The following XKR5 variants were observed in gnomAD, a reference collection of about 807,000 sequenced individuals.
XKR5 encodes the protein XK-related protein 5.
In XKR5, 46 loss-of-function variants were observed where a neutral mutation model predicts 40.8. The observed-to-expected ratio is 1.13, with a 90% CI of 0.89 to 1.44. The LOEUF (loss-of-function observed/expected upper bound fraction) is 1.44. Among genes scored for constraint, XKR5 ranks in the 40% most tolerant of loss-of-function variants. XKR5 has a pLI of 0.00. For synonymous variants in XKR5, 466 were observed against 356.1 expected, an observed-to-expected ratio of 1.31 and a Z score of -3.48; for missense variants, 1,169 against 844.7, an observed-to-expected ratio of 1.38 and a Z score of -4.76.
At position 6,829,879 on chromosome 8, in the gene XKR5, C is replaced by A. The variant is rs183725344; in HGVS notation, c.242+2838G>T. On this transcript the variant is annotated intron_variant, in intron 2 of 6. Transcript: ENST00000618742. ...TTGAGACGGAGTCTCGCTCTGTCAC[C>A]CAAGCTGGAGTCCAGTGATGCAATC... is the stretch of plus-strand genomic sequence containing the variant. 4.4e-3 allele frequency among the ~76,000 whole-genome samples: 532 copies of A among 120,574 alleles called. 3 individuals carry two copies. The highest frequency in any genetic ancestry group is 0.015 in the African/African-American group (496 of 32,132). 79.1% of individuals were successfully genotyped at this position (120,574 alleles called of 152,430 possible).
intron 5 of XKR5, among the ~76,000 whole-genome samples, chr8:6,820,396 C>G (rs180902744): frequency 6.6e-6 from 1 of 152,282 alleles, no homozygotes; most frequent in South Asian, 2.1e-4. Flanking sequence ...GCTTTCTTTC[C>G]TTCTCTAACA....
At chr8:6,821,655 G>C (rs1248432972) in intron 5 of XKR5, among the ~76,000 whole-genome samples, 2 of 152,182 alleles carry the variant, frequency 1.3e-5, no homozygotes, top group African/African-American at 4.8e-5. Flanking sequence ...ATTGAATGCA[G>C]GGCCACAGCT....
intron 2 of XKR5, among the ~76,000 whole-genome samples, chr8:6,829,468 T>C (rs1038662778): frequency 6.6e-6 from 1 of 152,214 alleles, no homozygotes; most frequent in African/African-American, 2.4e-5. Context: ...TATGTATTAT[T>C]GGGAACGTTA....
At chr8:6,828,435 C>G (rs908414020) in intron 2 of XKR5, among the ~76,000 whole-genome samples, 6 of 152,136 alleles carry the variant, frequency 3.9e-5, no homozygotes, top group Non-Finnish European at 8.8e-5. Flanking sequence ...TGGGGCTACT[C>G]TTGTAAGAAA....
chr8:6,832,985 C>A, intron 1 of XKR5, 85 bp from the exon 2 acceptor site: 1 of 1,242,164 alleles, frequency 8.1e-7, no homozygotes, highest in Non-Finnish European at 1.1e-6. Flanking sequence ...TGAACATTTT[C>A]TGGATGTTAT....
chr8:6,819,161 T>C (rs924487729), intron 5 of XKR5, among the ~76,000 whole-genome samples: 2 of 152,250 alleles, frequency 1.3e-5, no homozygotes, highest in African/African-American at 4.8e-5. Context: ...GGGTTGGCCC[T>C]GGGCTACGCT....
chr8:6,830,078 C>T (rs1379045133), intron 2 of XKR5, among the ~76,000 whole-genome samples: 2 of 152,088 alleles, frequency 1.3e-5, no homozygotes, highest in Non-Finnish European at 2.9e-5. Context: ...ACCTCGTGAT[C>T]CGCCTGCCTC....
rs777460487 is a variant in XKR5, at chr8:6,821,911, G to A, written c.765C>T (p.Phe255=). ...GAVYILCYLS[F]WDSPSRNRMV... ...TCCTATTTCTAGAAGGGCTGTCCCAGAAGCTGAGGTAGCAGAGGATGTACA... is the reference window on the plus strand; with the variant it reads ...TCCTATTTCTAGAAGGGCTGTCCCAAAAGCTGAGGTAGCAGAGGATGTACA... Residue 255 remains phenylalanine, a synonymous_variant, in exon 5 of 7, where the codon TTC becomes TTT. Transcript: ENST00000618742. The A allele has an allele frequency of 1.2e-5, 19 of 1,613,406 alleles. No individual in the cohort carries two copies. The highest frequency in any genetic ancestry group is 1.6e-5 in the Non-Finnish European group (19 of 1,179,700).
chr8:6,823,420 A>G, intron 4 of XKR5, 101 bp downstream of exon 4: 1 of 1,273,514 alleles, frequency 7.9e-7, no homozygotes, highest in East Asian at 2.5e-5. Context: ...GTCAGCCTTC[A>G]GGCCTGGGAT....
chr8:6,811,941 G>A lies in XKR5; in HGVS notation c.1318C>T (p.Gln440Ter), dbSNP rs1803723175. The A allele has an allele frequency of 3.3e-6, 5 of 1,537,372 alleles. No homozygotes were observed. The highest frequency in any genetic ancestry group is 1.7e-4 in the Middle Eastern group (1 of 5,990). ...GCCTTTCTCTGCAGGTAGTCCTGTT[G>A]ACTCAACCCCCATGCAGGTGGACAA... Reference protein sequence around the residue: ...AYCPPAWGLSQQDYLQRKALS... With the variant: ...AYCPPAWGLS The change falls in exon 7 of 7, where the codon CAA (glutamine) becomes TAA (stop). Residue 440 changes from glutamine to a stop codon, truncating the protein, a stop_gained. Transcript: ENST00000618742. LOFTEE classifies it low-confidence loss of function (END_TRUNC).
chr8:6,833,744 A>G (rs962514553), intron 1 of XKR5, among the ~76,000 whole-genome samples: 6 of 152,074 alleles, frequency 3.9e-5, no homozygotes, highest in Non-Finnish European at 7.4e-5. Context: ...TAACCAACCA[A>G]CACAGTGTCC....
In XKR5 at chr8:6,811,797, C is replaced by A. The variant is rs1297564544; in HGVS notation, c.1462G>T (p.Val488Leu). 2.0e-6 allele frequency: 3 copies of A among 1,537,520 alleles called. No individual in the cohort carries two copies. Among genetic ancestry groups the A allele is most frequent in the Non-Finnish European group, 2.6e-6 (3 of 1,147,018 alleles). Residue 488 changes from valine (V) to leucine (L), a missense_variant, in exon 7 of 7, where the codon GTA becomes TTA. Transcript: ENST00000618742. ...TCCTGCTGATCGCTGGCAAAAGATA[C>A]GTAACTTGAGGTTTCCAATGGGTCG... ...EADPLETSSY[V>L]SFASDQQDEA...
chr8:6,812,918 ATTG>A (rs1803803493), intron 6 of XKR5, among the ~76,000 whole-genome samples: 1 of 152,262 alleles, frequency 6.6e-6, no homozygotes, highest in Non-Finnish European at 1.5e-5. Flanking sequence ...TCTTAATCAC[ATTG>A]TTGTCAGTTT....
intron 3 of XKR5, among the ~76,000 whole-genome samples, chr8:6,824,113 C>CA (rs1804358853): frequency 6.6e-6 from 1 of 152,146 alleles, no homozygotes; most frequent in Non-Finnish European, 1.5e-5. Context: ...GGTTCCACCC[C>CA]AAATGTACTT....
In XKR5 at chr8:6,811,702, A is replaced by G; in HGVS notation, c.1557T>C (p.Val519=). The G allele has an allele frequency of 1.3e-6, 2 of 1,537,640 alleles. No individual in the cohort carries two copies. Among genetic ancestry groups the G allele is most frequent in the Non-Finnish European group, 1.7e-6 (2 of 1,147,020 alleles). Residue 519 remains valine (V), a synonymous_variant, in exon 7 of 7, where the codon GTT becomes GTC. Transcript: ENST00000618742. ...EGTPKEGADA[V]SGTQGKGTGG... ...CTGTCCCCTTCCCCTGTGTCCCAGA[A>G]ACAGCGTCAGCTCCTTCCTTTGGGG...
Position 6,811,617 on chromosome 8 carries a change from C to T in XKR5, c.1642G>A (p.Ala548Thr), listed in dbSNP as rs1305437263. The T allele has an allele frequency of 6.5e-7, 1 of 1,537,450 alleles. No homozygotes were observed. Among genetic ancestry groups the T allele is most frequent in the Non-Finnish European group, 8.7e-7 (1 of 1,146,958 alleles). Residue 548 changes from alanine to threonine, a missense_variant, in exon 7 of 7, where the codon GCA becomes ACA. Physicochemically the swap from Ala to Thr is moderately conservative, Grantham distance 58. Transcript: ENST00000618742. ...TGTTGTGAGGATGTGGCCACTTCTG[C>T]AGTGGCGCTGAAGTACAACGTGGAA... ...QSSTLYFSATAEVATSSQQEG... is the reference protein window; with the variant it reads ...QSSTLYFSATTEVATSSQQEG...
chr8:6,816,635 TTTAA>T (rs1803968319), intron 5 of XKR5, among the ~76,000 whole-genome samples: 1 of 148,838 alleles, frequency 6.7e-6, no homozygotes, highest in Admixed American at 6.7e-5. Context: ...GTGTTTTATA[TTTAA>T]TATATATTTT....
chr8:6,822,638 T>A (rs1804293351), intron 4 of XKR5, among the ~76,000 whole-genome samples: 1 of 152,216 alleles, frequency 6.6e-6, no homozygotes, highest in African/African-American at 2.4e-5. Flanking sequence ...TCTTAATGTC[T>A]CCAATTCTCT....
In XKR5 at chr8:6,832,835, C is replaced by T. The variant is rs544142074; in HGVS notation, c.124G>A (p.Val42Ile). 5.0e-6 allele frequency: 8 copies of T among 1,611,590 alleles called. No individual in the cohort carries two copies. Among genetic ancestry groups the T allele is most frequent in the Non-Finnish European group, 6.8e-6 (8 of 1,179,050 alleles). The change falls in exon 2 of 7, where the codon GTC becomes ATC. Residue 42 changes from valine to isoleucine, a missense_variant. Coordinates refer to ENST00000618742, the MANE Select transcript of XKR5 (RefSeq NM_207411.5). ...RLLWGWLALA[V>I]LLPGFLVQAL... ...TGGACCAAGAACCCGGGCAGGAGGA[C>T]AGCAAGGGCCAGCCACCCCCACAGA...
Sources: allele counts gnomAD v4.1 joint callset (sites outside exome capture counted in the v4.1 genomes callset), GRCh38; gene constraint gnomAD v4.1.1; transcripts MANE v1.5; gene names NCBI Gene and HGNC (gene_info 2026-07-23, HGNC 2026-07-21).